GPHN: variants seen among roughly 807,000 people sequenced by gnomAD.
The protein encoded by GPHN is gephyrin.
In GPHN, 17 loss-of-function variants were observed where a neutral mutation model predicts 95.5. The ratio of observed to expected loss-of-function variants is 0.18; its 90% confidence interval spans 0.12 to 0.27. GPHN has a LOEUF of 0.27. Ranked by LOEUF, GPHN falls within the 10% of genes least tolerant of loss-of-function variation. The pLI, the probability that GPHN is intolerant of heterozygous loss-of-function variation, is 1.00. For synonymous variants in GPHN, 320 were observed against 322.5 expected, an observed-to-expected ratio of 0.99 and a Z score of 0.08; for missense variants, 660 against 978.1, an observed-to-expected ratio of 0.67 and a Z score of 4.34.
chr14:66,747,678 T>C (rs1185332344), intron 2 of GPHN, among the ~76,000 whole-genome samples: 1 of 151,960 alleles, frequency 6.6e-6, no homozygotes, highest in Non-Finnish European at 1.5e-5. Flanking sequence ...TTCTTTAAGA[T>C]AAAACTTTTA....
chr14:67,333,094 GA>G, the GPHN span: 1 of 689,156 alleles, frequency 1.5e-6, no homozygotes. Flanking sequence ...TAGATCTCTT[GA>G]ATTAGTGAGA....
At chr14:67,653,758 C>T in the GPHN span, among the ~76,000 whole-genome samples, 1 of 152,166 alleles carries the variant, frequency 6.6e-6, no homozygotes, top group Non-Finnish European at 1.5e-5. Context: ...TAATCTTCTA[C>T]CGTGGCTACT....
the GPHN span, chr14:67,594,095 TC>T: frequency 1.6e-6 from 1 of 618,042 alleles, no homozygotes; most frequent in Non-Finnish European, 2.9e-6. Context: ...GTGAAACAGA[TC>T]CAGACAACAA....
chr14:66,534,700 C>T (rs1310570177), intron 1 of GPHN, among the ~76,000 whole-genome samples: 1 of 152,098 alleles, frequency 6.6e-6, no homozygotes, highest in African/African-American at 2.4e-5. Context: ...ACATTTTTGT[C>T]AATATTGTGT....
At chr14:66,937,535 A>G (rs1344465158) in intron 8 of GPHN, among the ~76,000 whole-genome samples, 1 of 151,980 alleles carries the variant, frequency 6.6e-6, no homozygotes, top group Non-Finnish European at 1.5e-5. Context: ...ATGTGCCACC[A>G]CACCCAGCTA....
the GPHN span, among the ~76,000 whole-genome samples, chr14:67,697,423 G>T: frequency 1.3e-5 from 2 of 152,158 alleles, no homozygotes; most frequent in African/African-American, 4.8e-5. Flanking sequence ...GAGAAAGCAG[G>T]GTGCACTAGA....
At chr14:67,061,772 A>G (rs746991795) in intron 11 of GPHN, among the ~76,000 whole-genome samples, 23 of 152,038 alleles carry the variant, frequency 1.5e-4, no homozygotes, top group Non-Finnish European at 2.8e-4. Context: ...TTAGCCTCCC[A>G]AAGTACTAGT....
chr14:66,529,938 C>T (rs2058847674), intron 1 of GPHN, among the ~76,000 whole-genome samples: 1 of 152,210 alleles, frequency 6.6e-6, no homozygotes, highest in Non-Finnish European at 1.5e-5. Flanking sequence ...CAGGGACCCA[C>T]TTGAGGCCGT....
chr14:67,348,934 G>C, the GPHN span: 1 of 1,093,734 alleles, frequency 9.1e-7, no homozygotes, highest in Non-Finnish European at 1.3e-6. Context: ...GTTCTAAGTA[G>C]AAGGAAGAAA....
chr14:66,555,416 T>A (rs1679167159), intron 1 of GPHN, among the ~76,000 whole-genome samples: 1 of 152,166 alleles, frequency 6.6e-6, no homozygotes, highest in Admixed American at 6.5e-5. Context: ...CTCCCTCACA[T>A]CTATCACAAT....
intron 4 of GPHN, among the ~76,000 whole-genome samples, chr14:66,842,946 G>T (rs893034935): frequency 6.6e-6 from 1 of 151,912 alleles, no homozygotes; most frequent in African/African-American, 2.4e-5. Flanking sequence ...ATTCTCATTT[G>T]CAGTTTATTG....
chr14:66,760,814 G>T, intron 2 of GPHN: 1 of 529,264 alleles, frequency 1.9e-6, no homozygotes, highest in South Asian at 1.5e-5. Context: ...GCAATGAAGA[G>T]AGTTGAAGAG....
chr14:67,691,058 C>G, the GPHN span: 9 of 886,546 alleles, frequency 1.0e-5, no homozygotes, highest in Non-Finnish European at 1.7e-5. Flanking sequence ...AATCACACAA[C>G]AAGAAGCCTC....
At chr14:67,488,326 G>A in the GPHN span, among the ~76,000 whole-genome samples, 1 of 152,256 alleles carries the variant, frequency 6.6e-6, no homozygotes, top group Non-Finnish European at 1.5e-5. Flanking sequence ...AAGTGAAAGG[G>A]CAGGAGTGGG....
At chr14:67,408,869 C>T in the GPHN span, among the ~76,000 whole-genome samples, 1 of 151,952 alleles carries the variant, frequency 6.6e-6, no homozygotes, top group Admixed American at 6.6e-5. Flanking sequence ...ATCTGCATAA[C>T]CATAATTTAA....
intron 11 of GPHN, among the ~76,000 whole-genome samples, chr14:67,065,420 G>T (rs1317785050): frequency 6.6e-6 from 1 of 152,182 alleles, no homozygotes; most frequent in Non-Finnish European, 1.5e-5. Context: ...TTGATTTGGG[G>T]TGGAGAACTC....
the GPHN span, among the ~76,000 whole-genome samples, chr14:67,272,497 A>C: frequency 6.6e-6 from 1 of 152,218 alleles, no homozygotes; most frequent in African/African-American, 2.4e-5. Flanking sequence ...CACATAAAGA[A>C]GTGCTCAGTA....
intron 9 of GPHN, among the ~76,000 whole-genome samples, chr14:66,970,500 C>T (rs1042539819): frequency 2.0e-5 from 3 of 152,122 alleles, no homozygotes; most frequent in Non-Finnish European, 4.4e-5. Context: ...TCACTATTTT[C>T]CTTTGTGAAC....
chr14:66,877,607 C>A (rs959092365), intron 4 of GPHN, among the ~76,000 whole-genome samples: 1 of 151,954 alleles, frequency 6.6e-6, no homozygotes, highest in Non-Finnish European at 1.5e-5. Context: ...CAACAGAGAG[C>A]CAAATCATGA....
Sources: gnomAD v4.1 joint callset for allele counts (sites outside exome capture counted in the v4.1 genomes callset) on GRCh38, gnomAD v4.1.1 for gene constraint, MANE v1.5 for transcripts, NCBI Gene and HGNC (gene_info 2026-07-23, HGNC 2026-07-21) for gene names.